RECQL5: variants seen among roughly 807,000 people sequenced by gnomAD.
RECQL5 encodes the protein ATP-dependent DNA helicase Q5.
Under a neutral mutation model 103.4 loss-of-function variants are expected in RECQL5, and 88 were observed. The ratio of observed to expected loss-of-function variants is 0.85; its 90% confidence interval spans 0.72 to 1.02. The LOEUF (loss-of-function observed/expected upper bound fraction) is 1.02, where lower values mean the gene tolerates loss of function less well. Ranked by LOEUF, RECQL5 falls within the 50% of genes least tolerant of loss-of-function variation. RECQL5 has a pLI of 0.00. For missense variants in RECQL5, 1,232 were observed against 1,284.3 expected (o/e 0.96, Z 0.62); for synonymous variants, 552 against 507.9 (o/e 1.09, Z -1.17).
chr17:75,630,149 T>A (rs1415109877), intron 14 of RECQL5, 35 bp downstream of exon 14: 3 of 1,508,082 alleles, frequency 2.0e-6, no homozygotes, highest in East Asian at 4.9e-5. Context: ...GAGGGGCCCC[T>A]GCAACGACCC....
chr17:75,648,219 T>C (rs115064626), intron 8 of RECQL5, among the ~76,000 whole-genome samples: 29 of 152,250 alleles, frequency 1.9e-4, no homozygotes, highest in African/African-American at 6.5e-4. Flanking sequence ...CACCACACTT[T>C]ACTCTATGGC....
rs532726896 is a variant in RECQL5 at position 75,627,793 on chromosome 17, G to T, written c.2806-101C>A. ...CCAGCACTTTGGGAGGCCGAGGCGG[G>T]CGGATCATGAGGTCAGGAGATCGAG... On this transcript the variant is annotated intron_variant, in intron 18 of 19. Coordinates refer to ENST00000317905, the MANE Select transcript of RECQL5 (RefSeq NM_004259.7). 1.9e-4 allele frequency: 203 copies of T among 1,044,404 alleles called. 1 individual carries two copies. In the African/African-American group the frequency reaches 2.8e-3, roughly 14 times the overall value. The allele number at this position is 1,044,404 out of a possible 1,614,324, so 64.7% of individuals were successfully genotyped here.
At chr17:75,646,623 T>C (rs1425415815) in intron 8 of RECQL5, 2 of 152,318 alleles carry the variant, frequency 1.3e-5, no homozygotes, top group East Asian at 1.9e-4. Context: ...TCAGGGCCGC[T>C]TGGCCACGCT....
At chr17:75,647,749 G>A (rs893106495) in intron 8 of RECQL5, 1 of 618,498 alleles carries the variant, frequency 1.6e-6, no homozygotes, top group East Asian at 2.9e-5. Context: ...TAGTAAGATG[G>A]GGAGGCTGGT....
Position 75,658,290 on chromosome 17 carries a change from AG to A in RECQL5, c.1149+7del, listed in dbSNP as rs1447610369. On this transcript the variant is annotated splice_region_variant and intron_variant, in intron 7 of 19. Transcript: ENST00000317905. The stretch of plus-strand genomic sequence containing the variant: ...AGACTGAAAGACCTTCTACTGCCCA[AG>A]CCTTACCTGGAGTTTTGCTACTTCC... The A allele has an allele frequency of 3.7e-6, 6 of 1,612,760 alleles. No homozygotes were observed. The highest frequency in any genetic ancestry group is 4.2e-6 in the Non-Finnish European group (5 of 1,179,208).
intron 13 of RECQL5, 67 bp from the exon 14 acceptor site, chr17:75,630,344 C>G (rs145825642): frequency 1.3e-5 from 18 of 1,392,928 alleles, no homozygotes; most frequent in Non-Finnish European, 1.5e-5. Context: ...TGAGCTCTTG[C>G]GGGACTCCAG....
Position 75,662,497 on chromosome 17 carries a change from T to G in RECQL5, c.753A>C (p.Gly251=), listed in dbSNP as rs2059712867. The stretch of plus-strand genomic sequence containing the variant: ...GCCTCACCCCTTTATCAGCCTCCTG[T>G]CCAAGAGCCTTAAGGCAGAAGTCCT... The part of the protein sequence containing the change: ...NLKDFCLKAL[G]QEADKGLSGC... Residue 251 remains glycine, a synonymous_variant, in exon 4 of 20, where the codon GGA becomes GGC. Coordinates refer to ENST00000317905, the MANE Select transcript of RECQL5 (RefSeq NM_004259.7). The G allele has an allele frequency of 6.2e-7, 1 of 1,613,666 alleles. No individual in the cohort carries two copies. Among genetic ancestry groups the G allele is most frequent in the Admixed American group, 1.7e-5 (1 of 59,976 alleles).
chr17:75,647,651 C>T, intron 8 of RECQL5: 1 of 1,337,212 alleles, frequency 7.5e-7, no homozygotes, highest in East Asian at 2.5e-5. Context: ...GCGGTTCCCT[C>T]TGGCTCAGGG....
chr17:75,628,612 A>G lies in RECQL5; in HGVS notation c.2580+60T>C, dbSNP rs1184919823. The stretch of plus-strand genomic sequence containing the variant: ...CCTGACCCCTTGAGCAGGGCACAAC[A>G]GCTCCTGGCCTCGCCCACAGCCCTT... On this transcript the variant is annotated intron_variant, in intron 17 of 19. Transcript: ENST00000317905. 2.0e-6 allele frequency: 3 copies of G among 1,526,472 alleles called. No homozygotes were observed. In the African/African-American group the frequency reaches 4.2e-5, roughly 21 times the overall value. The allele number at this position is 1,526,472 out of a possible 1,614,324, so 94.6% of individuals were successfully genotyped here.
chr17:75,627,765 A>C, intron 18 of RECQL5, 73 bp from the exon 19 acceptor site: 1 of 1,379,860 alleles, frequency 7.2e-7, no homozygotes, highest in Non-Finnish European at 1.0e-6. Context: ...CACGCCTGTA[A>C]TCCCAGCACT....
At chr17:75,633,590 C>T in intron 8 of RECQL5, 2 of 1,230,470 alleles carry the variant, frequency 1.6e-6, no homozygotes, top group Non-Finnish European at 2.1e-6. Context: ...GGTTGCAAAG[C>T]CTCCTGCTCA....
At chr17:75,641,313 CT>C (rs149775172) in intron 8 of RECQL5, 2,561 of 169,558 alleles carry the variant, frequency 0.015, 30 homozygotes, top group Admixed American at 0.018. Context: ...TGTGCAATAG[CT>C]TCTGCATCCG....
intron 8 of RECQL5, chr17:75,633,918 A>G: frequency 1.0e-6 from 1 of 987,404 alleles, no homozygotes; most frequent in South Asian, 4.6e-5. Flanking sequence ...CTTGTCCCTG[A>G]GCAGCGCTCT....
Position 75,640,669 on chromosome 17 carries a change from T to C in RECQL5, c.1230-9001A>G. ...GCACCTCTCACCAGCCTCTCGGATCTTTCTGACCTCCACCAAACCTGTGGG... is the reference window on the plus strand; with the variant it reads ...GCACCTCTCACCAGCCTCTCGGATCCTTCTGACCTCCACCAAACCTGTGGG... On this transcript the variant is annotated intron_variant, in intron 8 of 19. Transcript: ENST00000317905. The surrounding 1 kb of genome is among the most constrained non-coding windows in gnomAD (Gnocchi z 4.6). The C allele has an allele frequency of 1.4e-6, 2 of 1,474,350 alleles. No individual in the cohort carries two copies. The highest frequency in any genetic ancestry group is 1.8e-6 in the Non-Finnish European group (2 of 1,109,326). The allele number at this position is 1,474,350 out of a possible 1,614,324, so 91.3% of individuals were successfully genotyped here.
At chr17:75,629,903 T>G in intron 14 of RECQL5, 61 bp from the exon 15 acceptor site, 1 of 1,537,786 alleles carries the variant, frequency 6.5e-7, no homozygotes. Context: ...ATGCCCCACC[T>G]AGCCCTCCTT....
At chr17:75,630,361 T>G in intron 13 of RECQL5, 84 bp from the exon 14 acceptor site, 1 of 1,260,144 alleles carries the variant, frequency 7.9e-7, no homozygotes, top group Non-Finnish European at 1.1e-6. Flanking sequence ...CCAGGCCTGG[T>G]GGGGTAGGCC....
chr17:75,658,153 A>T (rs1375561173), intron 7 of RECQL5, 145 bp downstream of exon 7: 1 of 693,600 alleles, frequency 1.4e-6, no homozygotes, highest in African/African-American at 1.8e-5. Flanking sequence ...CTACCTAACC[A>T]ATACGCCATT....
chr17:75,658,243 C>CAA, intron 7 of RECQL5, 55 bp downstream of exon 7: 1 of 1,563,094 alleles, frequency 6.4e-7, no homozygotes, highest in Non-Finnish European at 8.7e-7. Flanking sequence ...ATCAGCTTCA[C>CAA]AAAACTGGAG....
Position 75,629,638 on chromosome 17 carries a change from C to T in RECQL5, c.1947+70G>A, listed in dbSNP as rs541602332. On this transcript the variant is annotated intron_variant, in intron 15 of 19. Coordinates refer to ENST00000317905, the MANE Select transcript of RECQL5 (RefSeq NM_004259.7). ...GAGCCAGGCCTTGGCAAGAGGTGCA[C>T]CCCTGAGGGCAGAGGGGAAGTGAAG... is the stretch of plus-strand genomic sequence containing the variant. The T allele has an allele frequency of 2.7e-4, 411 of 1,535,224 alleles. 4 individuals carry two copies. Among genetic ancestry groups the T allele is most frequent in the South Asian group, 1.3e-5 (1 of 79,760 alleles).
Sources: allele counts gnomAD v4.1 joint callset (sites outside exome capture counted in the v4.1 genomes callset), GRCh38; gene constraint gnomAD v4.1.1; non-coding constraint Gnocchi (gnomAD v3.1); transcripts MANE v1.5; gene names NCBI Gene and HGNC (gene_info 2026-07-23, HGNC 2026-07-21).